KLK2: variants seen among roughly 807,000 people sequenced by gnomAD.
KLK2 encodes kallikrein related peptidase 2.
KLK2 carries 17 observed loss-of-function variants against 23.0 expected under a neutral mutation model. That is an observed-to-expected ratio of 0.74 (90% CI 0.51 to 1.11). The LOEUF (loss-of-function observed/expected upper bound fraction) is 1.11. Among genes scored for constraint, KLK2 ranks in the 50% least tolerant of loss-of-function variants. KLK2 has a pLI of 0.00. For missense variants in KLK2, 330 were observed against 325.9 expected, an observed-to-expected ratio of 1.01 and a Z score of -0.10; for synonymous variants, 140 against 124.7, an observed-to-expected ratio of 1.12 and a Z score of -0.82.
chr19:50,874,990 G>C, intron 2 of KLK2, 110 bp downstream of exon 2: 1 of 1,442,574 alleles, frequency 6.9e-7, no homozygotes, highest in Non-Finnish European at 9.1e-7. Context: ...CTAAAGGAGA[G>C]AGGGAAGGTC....
chr19:50,875,826 C>CAACA (rs2090280836), intron 2 of KLK2: 1 of 150,992 alleles, frequency 6.6e-6, no homozygotes, highest in African/African-American at 2.5e-5. Flanking sequence ...AAACAAACAA[C>CAACA]AAAAAAAATC....
chr19:50,877,068 G>A (rs753201660), intron 4 of KLK2, 60 bp downstream of exon 4: 1 of 1,609,852 alleles, frequency 6.2e-7, no homozygotes, highest in South Asian at 1.1e-5. Flanking sequence ...CCTAATTCTG[G>A]GCTGCAATCT....
intron 2 of KLK2, 27 bp from the exon 3 acceptor site, chr19:50,876,445 T>C (rs2090287866): frequency 2.5e-6 from 4 of 1,611,058 alleles, no homozygotes; most frequent in Non-Finnish European, 3.4e-6. Flanking sequence ...TTCTCTCTCC[T>C]CATGCATCCA....
rs544195069 is a variant in KLK2 at position 50,874,821 on chromosome 19, C to G, written c.147C>G (p.His49Gln). 1 of 1,613,700 alleles carries G rather than the reference C, an allele frequency of 6.2e-7. No individual in the cohort carries two copies. Among genetic ancestry groups the G allele is most frequent in the African/African-American group, 1.3e-5 (1 of 74,924 alleles). The change falls in exon 2 of 5, where the codon CAC becomes CAG. Residue 49 changes from histidine (H) to glutamine (Q), a missense_variant. Physicochemically the swap from His to Gln is conservative, Grantham distance 24 (BLOSUM62 0). Coordinates refer to ENST00000325321, the MANE Select transcript of KLK2 (RefSeq NM_005551.5). ...QVAVYSHGWA[H>Q]CGGVLVHPQW... ...CTGTGTACAGTCATGGATGGGCACA[C>G]TGTGGGGGTGTCCTGGTGCACCCCC... is the stretch of plus-strand genomic sequence containing the variant.
At chr19:50,875,138 C>G (rs2090270095) in intron 2 of KLK2, 1 of 401,220 alleles carries the variant, frequency 2.5e-6, no homozygotes, top group African/African-American at 2.1e-5. Context: ...GTGTTTTGGT[C>G]TCTATGTCCC....
Position 50,880,053 on chromosome 19 carries a change from A to G in KLK2, c.*1494A>G, listed in dbSNP as rs1325409208. The G allele has an allele frequency of 1.7e-5, 4 of 229,408 alleles. No individual in the cohort carries two copies. The highest frequency in any genetic ancestry group is 3.5e-5 in the Non-Finnish European group (4 of 115,696). The allele number at this position is 229,408 out of a possible 1,614,324, so 14.2% of individuals were successfully genotyped here. ...AAATAGGGGCACATTGAGGAATGAT[A>G]CTGAGCCCAAAGAGCATTCAATCAT... On this transcript the variant is annotated 3_prime_UTR_variant, in exon 5 of 5. Transcript: ENST00000325321.
At chr19:50,876,344 T>C (rs1451988597) in intron 2 of KLK2, 128 bp from the exon 3 acceptor site, 2 of 774,330 alleles carry the variant, frequency 2.6e-6, no homozygotes, top group East Asian at 5.2e-5. Context: ...CACGACTATA[T>C]CTCCCCGACC....
At chr19:50,874,011 C>T (rs55832816) in intron 1 of KLK2, 7,183 of 156,180 alleles carry the variant, frequency 0.046, 359 homozygotes, top group African/African-American at 0.13. Context: ...TTCTTCCCCC[C>T]GAGGCTATCT....
chr19:50,877,294 C>G lies in KLK2; in HGVS notation c.630+286C>G, dbSNP rs113113965. ...GTAGACCCTGGGAAGCAGCAGTGAACAGGTAGAGAGCAGCCTCTCCCTCCT... is the reference window on the plus strand; with the variant it reads ...GTAGACCCTGGGAAGCAGCAGTGAAGAGGTAGAGAGCAGCCTCTCCCTCCT... On this transcript the variant is annotated intron_variant, in intron 4 of 4. Coordinates refer to ENST00000325321, the MANE Select transcript of KLK2 (RefSeq NM_005551.5). 708 of 498,672 alleles carry G rather than the reference C, an allele frequency of 1.4e-3. 2 individuals are homozygous for G. The highest frequency in any genetic ancestry group is 0.012 in the African/African-American group (646 of 52,016). 30.9% of individuals were successfully genotyped at this position (498,672 alleles called of 1,614,324 possible).
Position 50,879,115 on chromosome 19 carries a change from A to AG in KLK2, c.*561dup. 2 of 233,168 alleles carry AG rather than the reference A, an allele frequency of 8.6e-6. No individual in the cohort carries two copies. The highest frequency in any genetic ancestry group is 1.7e-5 in the Non-Finnish European group (2 of 118,010). The allele number at this position is 233,168 out of a possible 1,614,324, so 14.4% of individuals were successfully genotyped here. ...CTCCTATGTTGTTGAAGGAGGGACT[A>AG]GGGGGAGAAACTGAAAGCTGATTAA... On this transcript the variant is annotated 3_prime_UTR_variant, in exon 5 of 5. Coordinates refer to ENST00000325321, the MANE Select transcript of KLK2 (RefSeq NM_005551.5).
At chr19:50,873,569 G>T in intron 1 of KLK2, 50 bp downstream of exon 1, 3 of 1,379,292 alleles carry the variant, frequency 2.2e-6, no homozygotes, top group Non-Finnish European at 3.0e-6. Context: ...CTCTTATGCT[G>T]AAGCCCTTTT....
chr19:50,878,274 C>A, intron 4 of KLK2, 130 bp from the exon 5 acceptor site: 1 of 878,638 alleles, frequency 1.1e-6, no homozygotes, highest in Non-Finnish European at 1.8e-6. Context: ...GTTCTGGAGA[C>A]ATTTCTGTCT....
intron 2 of KLK2, chr19:50,875,121 T>C (rs1437427848): frequency 1.2e-5 from 7 of 599,686 alleles, no homozygotes; most frequent in Non-Finnish European, 5.0e-6. Flanking sequence ...GTTGTGTCTG[T>C]ATGACTGTGT....
chr19:50,877,320 G>T (rs1340475566), intron 4 of KLK2: 3 of 425,946 alleles, frequency 7.0e-6, no homozygotes, highest in Admixed American at 7.4e-5. Flanking sequence ...TCTCCCTCCT[G>T]CAGCCCCCAT....
In KLK2 at chr19:50,876,910, C is replaced by A. The variant is rs775095604; in HGVS notation, c.532C>A (p.Leu178Ile). Residue 178 changes from leucine to isoleucine, a missense_variant, in exon 4 of 5, where the codon CTC becomes ATC. Transcript: ENST00000325321. ...PRSLQCVSLH[L>I]LSNDMCARAY... ...GAGTCTTCAGTGTGTGAGCCTCCAT[C>A]TCCTGTCCAATGACATGTGTGCTAG... 1.2e-6 allele frequency: 2 copies of A among 1,614,046 alleles called. No individual in the cohort carries two copies. The highest frequency in any genetic ancestry group is 2.2e-5 in the South Asian group (2 of 91,090).
rs1600021703 is a variant in KLK2 at position 50,879,252 on chromosome 19, T to C, written c.*693T>C. The C allele has an allele frequency of 4.3e-6, 1 of 232,756 alleles. No homozygotes were observed. Among genetic ancestry groups the C allele is most frequent in the African/African-American group, 2.2e-5 (1 of 45,440 alleles). 14.4% of individuals were successfully genotyped at this position (232,756 alleles called of 1,614,324 possible). On this transcript the variant is annotated 3_prime_UTR_variant, in exon 5 of 5. Coordinates refer to ENST00000325321, the MANE Select transcript of KLK2 (RefSeq NM_005551.5). ...CTGTGGTTTATTATGGTTTGTTACA[T>C]TGATAGGATACATACTGAAATCAGC...
In KLK2 at chr19:50,879,174, C is replaced by G. The variant is rs535561695; in HGVS notation, c.*615C>G. 8.6e-6 allele frequency: 2 copies of G among 232,798 alleles called. No homozygotes were observed. The highest frequency in any genetic ancestry group is 4.4e-5 in the African/African-American group (2 of 45,288). The allele number at this position is 232,798 out of a possible 1,614,324, so 14.4% of individuals were successfully genotyped here. A position where few individuals can be genotyped will look rare whatever the true frequency, so the allele number is the denominator to read the frequency against. ...GGTTTGTTCAGGTCCCCCAAACCAC[C>G]GTCAGATTTGATGATTTCCTAGCAG... On this transcript the variant is annotated 3_prime_UTR_variant, in exon 5 of 5. Coordinates refer to ENST00000325321, the MANE Select transcript of KLK2 (RefSeq NM_005551.5).
chr19:50,877,129 C>A, intron 4 of KLK2, 121 bp downstream of exon 4: 1 of 1,328,902 alleles, frequency 7.5e-7, no homozygotes, highest in Non-Finnish European at 1.1e-6. Flanking sequence ...TAGCCACGCC[C>A]CCTCCCCATG....
At chr19:50,873,895 A>C in intron 1 of KLK2, 1 of 238,496 alleles carries the variant, frequency 4.2e-6, no homozygotes. Context: ...ACCACAGTCT[A>C]CTGACTTTTC....
Sources: allele counts gnomAD v4.1 joint callset, GRCh38; gene constraint gnomAD v4.1.1; transcripts MANE v1.5; gene names NCBI Gene and HGNC (gene_info 2026-07-23, HGNC 2026-07-21).